The following KCNN2 variants were observed in gnomAD, a reference collection of about 807,000 sequenced individuals.
KCNN2 encodes small conductance calcium-activated potassium channel protein 2.
KCNN2 carries 24 observed loss-of-function variants against 55.5 expected under a neutral mutation model. The observed-to-expected ratio is 0.43, with a 90% CI of 0.31 to 0.61. The LOEUF (loss-of-function observed/expected upper bound fraction) is 0.61. Ranked by LOEUF, KCNN2 falls within the 20% of genes least tolerant of loss-of-function variation. The pLI is 0.08. For synonymous variants in KCNN2, 431 were observed against 336.1 expected, an observed-to-expected ratio of 1.28 and a Z score of -3.09; for missense variants, 754 against 853.6, an observed-to-expected ratio of 0.88 and a Z score of 1.45.
intron 3 of KCNN2, among the ~76,000 whole-genome samples, chr5:114,422,367 C>T (rs1298209499): frequency 1.3e-5 from 2 of 152,022 alleles, no homozygotes; most frequent in East Asian, 3.9e-4. Context: ...GCTCCCTAGC[C>T]CCTTGCTCTG....
At chr5:114,117,810 G>T (rs1252290588) in intron 1 of KCNN2, among the ~76,000 whole-genome samples, 1 of 152,144 alleles carries the variant, frequency 6.6e-6, no homozygotes, top group Non-Finnish European at 1.5e-5. Flanking sequence ...TGTTTGACAT[G>T]CACTATCTCA....
At chr5:114,284,893 C>G (rs535821237) in intron 2 of KCNN2, among the ~76,000 whole-genome samples, 25 of 152,186 alleles carry the variant, frequency 1.6e-4, no homozygotes, top group South Asian at 1.2e-3. Context: ...CAGATGAAAA[C>G]AGACAAACTT....
At chr5:114,065,184 T>A (rs1750420286) in intron 1 of KCNN2, among the ~76,000 whole-genome samples, 1 of 152,210 alleles carries the variant, frequency 6.6e-6, no homozygotes, top group Non-Finnish European at 1.5e-5. Flanking sequence ...GAAGAGGAAC[T>A]ATCCCTTGGA....
rs896291095 is a variant in KCNN2 at position 114,292,225 on chromosome 5, G to A, written c.-184-68720G>A. 1.1e-4 allele frequency among the ~76,000 whole-genome samples: 17 copies of A among 152,192 alleles called. No individual in the cohort carries two copies. The East Asian group carries it at 1.2e-3, about 10-fold the overall frequency. The stretch of plus-strand genomic sequence containing the variant: ...ATCCCATTTGTCAATTTTGGCTTTC[G>A]TTGCCTTTGCTTTTCGTGTTTTAGA... On this transcript the variant is annotated intron_variant, in intron 2 of 10. Transcript: ENST00000512097.
chr5:114,352,209 T>C (rs974063666), intron 2 of KCNN2, among the ~76,000 whole-genome samples: 9 of 151,754 alleles, frequency 5.9e-5, no homozygotes, highest in African/African-American at 1.9e-4. Context: ...TGGCATATAC[T>C]TGTTTATCTC....
rs189837437 is a variant in KCNN2 at position 114,304,926 on chromosome 5, A to T, written c.-184-56019A>T. Among the ~76,000 whole-genome samples, 9 of 152,270 alleles carry T rather than the reference A, an allele frequency of 5.9e-5. No individual in the cohort carries two copies. In the East Asian group the frequency reaches 1.7e-3, roughly 29 times the overall value. On this transcript the variant is annotated intron_variant, in intron 2 of 10. Transcript: ENST00000512097. ...CACTTTGTCTTCTGCCTTGGAGAGGATGACTCTGCCTGCCATTTGACCACT... is the reference window on the plus strand; with the variant it reads ...CACTTTGTCTTCTGCCTTGGAGAGGTTGACTCTGCCTGCCATTTGACCACT...
chr5:114,097,336 A>T, intron 1 of KCNN2, among the ~76,000 whole-genome samples: 1 of 152,260 alleles, frequency 6.6e-6, no homozygotes, highest in South Asian at 2.1e-4. Context: ...TAGTTCCAGC[A>T]TTTAAAAGGA....
chr5:114,451,917 C>G (rs1353775336), intron 3 of KCNN2, among the ~76,000 whole-genome samples: 1 of 150,172 alleles, frequency 6.7e-6, no homozygotes. Flanking sequence ...AAAAAAGAAT[C>G]AAATGGAATC....
At chr5:114,122,863 C>T (rs145529963) in intron 1 of KCNN2, among the ~76,000 whole-genome samples, 68 of 152,290 alleles carry the variant, frequency 4.5e-4, no homozygotes, top group African/African-American at 1.6e-3. Context: ...TCTTGTTTAT[C>T]TAAGAACACT....
At chr5:114,494,728 A>G (rs1748030394) in intron 7 of KCNN2, among the ~76,000 whole-genome samples, 1 of 152,116 alleles carries the variant, frequency 6.6e-6, no homozygotes, top group Non-Finnish European at 1.5e-5. Context: ...TGTACATACC[A>G]TAAAGGCTCA....
chr5:114,177,238 C>T (rs1236347257), intron 1 of KCNN2, among the ~76,000 whole-genome samples: 1 of 151,210 alleles, frequency 6.6e-6, no homozygotes, highest in East Asian at 2.0e-4. Flanking sequence ...CCCGGGATCA[C>T]GCCATTCTCC....
intron 2 of KCNN2, among the ~76,000 whole-genome samples, chr5:114,386,898 G>A (rs1251712008): frequency 6.6e-6 from 1 of 152,174 alleles, no homozygotes; most frequent in Non-Finnish European, 1.5e-5. Context: ...TAAGACGTAT[G>A]TAGATTTTTG....
chr5:114,243,913 T>A (rs769484533), intron 2 of KCNN2, among the ~76,000 whole-genome samples: 3 of 152,158 alleles, frequency 2.0e-5, no homozygotes, highest in Non-Finnish European at 4.4e-5. Flanking sequence ...ATGAAAACAT[T>A]CTTAAACCCT....
At chr5:114,220,338 G>T (rs1356668057) in intron 1 of KCNN2, among the ~76,000 whole-genome samples, 1 of 152,000 alleles carries the variant, frequency 6.6e-6, no homozygotes, top group African/African-American at 2.4e-5. Context: ...TATATTTAAA[G>T]TATCTAAATG....
intron 3 of KCNN2, among the ~76,000 whole-genome samples, chr5:114,459,229 C>T (rs1026258956): frequency 1.3e-5 from 2 of 152,196 alleles, no homozygotes; most frequent in Non-Finnish European, 2.9e-5. Context: ...CCAAAGTCCT[C>T]ATTTTAAAAG....
intron 3 of KCNN2, among the ~76,000 whole-genome samples, chr5:114,425,512 C>T (rs754022601): frequency 2.0e-5 from 3 of 152,160 alleles, no homozygotes; most frequent in Non-Finnish European, 2.9e-5. Context: ...CCTCAATAAC[C>T]TTGCACCCTC....
chr5:114,129,681 T>A (rs890170732), intron 1 of KCNN2, among the ~76,000 whole-genome samples: 1 of 152,194 alleles, frequency 6.6e-6, no homozygotes, highest in Non-Finnish European at 1.5e-5. Flanking sequence ...GGTGACGAAG[T>A]GAATACCTGA....
intron 2 of KCNN2, among the ~76,000 whole-genome samples, chr5:114,301,803 GT>G (rs1429940092): frequency 6.6e-6 from 1 of 152,162 alleles, no homozygotes; most frequent in Non-Finnish European, 1.5e-5. Context: ...AGTAAGACAG[GT>G]TTTATGCTGT....
intron 2 of KCNN2, among the ~76,000 whole-genome samples, chr5:114,309,041 T>A (rs570658471): frequency 6.6e-6 from 1 of 152,310 alleles, no homozygotes; most frequent in African/African-American, 2.4e-5. Context: ...CACTTGATTT[T>A]GGCCTGAAGG....
Sources: gnomAD v4.1 joint callset for allele counts (sites outside exome capture counted in the v4.1 genomes callset) on GRCh38, gnomAD v4.1.1 for gene constraint, MANE v1.5 for transcripts, NCBI Gene and HGNC (gene_info 2026-07-23, HGNC 2026-07-21) for gene names.